CALCR: variants seen among roughly 807,000 people sequenced by gnomAD.
CALCR encodes calcitonin receptor.
A neutral mutation model predicts 59.5 loss-of-function variants in CALCR; 47 were observed. That is an observed-to-expected ratio of 0.79 (90% CI 0.63 to 1.01). CALCR has a LOEUF of 1.01. CALCR is among the 50% of genes least tolerant of loss of function. The pLI, the probability that CALCR is intolerant of heterozygous loss-of-function variation, is 0.00. For synonymous variants in CALCR, 213 were observed against 211.3 expected (o/e 1.01, Z -0.07); for missense variants, 566 against 597.1 (o/e 0.95, Z 0.54).
chr7:93,507,567 C>A (rs991439665), intron 2 of CALCR, among the ~76,000 whole-genome samples: 3 of 151,166 alleles, frequency 2.0e-5, no homozygotes, highest in Non-Finnish European at 4.4e-5. Context: ...TTCCCTCCAC[C>A]ACTGTTTGTG....
chr7:93,523,820 T>C (rs1009381670), intron 2 of CALCR, among the ~76,000 whole-genome samples: 3 of 152,130 alleles, frequency 2.0e-5, no homozygotes, highest in African/African-American at 7.2e-5. Flanking sequence ...ATTCATTTGA[T>C]ATCTAATTCC....
At chr7:93,505,068 A>T (rs560308050) in intron 2 of CALCR, among the ~76,000 whole-genome samples, 3 of 152,110 alleles carry the variant, frequency 2.0e-5, no homozygotes, top group Non-Finnish European at 4.4e-5. Context: ...CAAGGAAGGT[A>T]CCGGTTCTGA....
chr7:93,491,663 C>G (rs1327987127), intron 2 of CALCR, among the ~76,000 whole-genome samples: 1 of 152,042 alleles, frequency 6.6e-6, no homozygotes, highest in East Asian at 1.9e-4. Flanking sequence ...CTCAACATCA[C>G]TGATCATTAC....
chr7:93,459,143 G>A (rs536130054), intron 8 of CALCR, among the ~76,000 whole-genome samples: 41 of 152,240 alleles, frequency 2.7e-4, no homozygotes, highest in Non-Finnish European at 4.4e-4. Context: ...TTTCTGTAAA[G>A]TAAATGGTTA....
rs192899636 is a variant in CALCR, at chr7:93,460,487, C to T, written c.648+334G>A. ...AGGAGAATTGCTTGAACCCGGGAGG[C>T]GGAGGTTGCAGTGAGCTGAGATCCC... is the stretch of plus-strand genomic sequence containing the variant. On this transcript the variant is annotated intron_variant, in intron 8 of 13. Coordinates refer to ENST00000426151, the MANE Select transcript of CALCR (RefSeq NM_001742.4). Among the ~76,000 whole-genome samples the T allele has an allele frequency of 2.5e-3, 364 of 144,986 alleles. 3 individuals are homozygous for T. The highest frequency in any genetic ancestry group is 8.2e-3 in the African/African-American group (319 of 39,062).
At chr7:93,519,818 C>T (rs1030544451) in intron 2 of CALCR, among the ~76,000 whole-genome samples, 16 of 151,908 alleles carry the variant, frequency 1.1e-4, no homozygotes, top group African/African-American at 7.3e-5. Flanking sequence ...CCCCTCTGCT[C>T]GCTCACTCTT....
intron 2 of CALCR, among the ~76,000 whole-genome samples, chr7:93,566,363 A>G (rs1175578495): frequency 6.6e-6 from 1 of 152,176 alleles, no homozygotes; most frequent in Non-Finnish European, 1.5e-5. Flanking sequence ...GAATTTGGTT[A>G]TAGGTATAGT....
chr7:93,534,606 A>T (rs1255967866), intron 2 of CALCR, among the ~76,000 whole-genome samples: 2 of 151,830 alleles, frequency 1.3e-5, no homozygotes, highest in Admixed American at 6.6e-5. Flanking sequence ...CATTCTTAGG[A>T]AGCGTTTTTA....
At chr7:93,479,243 G>C in intron 4 of CALCR, 111 bp downstream of exon 4, 1 of 1,126,956 alleles carries the variant, frequency 8.9e-7, no homozygotes, top group East Asian at 2.4e-5. Flanking sequence ...GAAAACTGCT[G>C]TGAAAACTGC....
intron 9 of CALCR, among the ~76,000 whole-genome samples, chr7:93,442,979 T>C (rs1003202857): frequency 6.6e-6 from 1 of 152,160 alleles, no homozygotes; most frequent in African/African-American, 2.4e-5. Flanking sequence ...AGAGCATCCC[T>C]GAAGGACTTC....
chr7:93,478,381 C>T (rs1167300365), intron 4 of CALCR, among the ~76,000 whole-genome samples: 2 of 151,430 alleles, frequency 1.3e-5, no homozygotes, highest in African/African-American at 4.8e-5. Context: ...CATTTTTTTC[C>T]CTACCAAGTT....
At chr7:93,476,971 C>T (rs1800679655) in intron 5 of CALCR, among the ~76,000 whole-genome samples, 1 of 151,912 alleles carries the variant, frequency 6.6e-6, no homozygotes, top group African/African-American at 2.4e-5. Flanking sequence ...ATTATCTCTG[C>T]CTTACTGAGG....
intron 2 of CALCR, among the ~76,000 whole-genome samples, chr7:93,573,987 A>G (rs1216772057): frequency 6.6e-6 from 1 of 152,236 alleles, no homozygotes; most frequent in Non-Finnish European, 1.5e-5. Context: ...TAAGTTGGAG[A>G]ATAAAACTTT....
At chr7:93,572,716 A>G (rs1419450775) in intron 2 of CALCR, among the ~76,000 whole-genome samples, 1 of 152,178 alleles carries the variant, frequency 6.6e-6, no homozygotes, top group Non-Finnish European at 1.5e-5. Context: ...TCCACCATCA[A>G]TCATTACCTC....
intron 7 of CALCR, chr7:93,462,146 T>C (rs1800350668): frequency 6.0e-6 from 7 of 1,174,758 alleles, no homozygotes; most frequent in Non-Finnish European, 8.4e-6. Flanking sequence ...TAAAGGCAGC[T>C]GTTAGAGCAT....
chr7:93,460,078 G>A (rs893325875), intron 8 of CALCR, among the ~76,000 whole-genome samples: 9 of 152,054 alleles, frequency 5.9e-5, no homozygotes, highest in African/African-American at 1.9e-4. Context: ...AGAGATGACT[G>A]GGCCAAGCCC....
At chr7:93,461,975 T>A in intron 7 of CALCR, 2 of 792,890 alleles carry the variant, frequency 2.5e-6, no homozygotes, top group East Asian at 2.7e-5. Flanking sequence ...CCTAAAAATA[T>A]CTTCATGGAA....
intron 2 of CALCR, among the ~76,000 whole-genome samples, chr7:93,566,695 C>T (rs1301052531): frequency 6.6e-6 from 1 of 152,084 alleles, no homozygotes; most frequent in East Asian, 1.9e-4. Flanking sequence ...GTAGAATGGG[C>T]TTGATAATAT....
chr7:93,438,391 T>A, intron 9 of CALCR, 121 bp from the exon 10 acceptor site: 1 of 738,780 alleles, frequency 1.4e-6, no homozygotes, highest in East Asian at 2.7e-5. Flanking sequence ...TCTGTCAAGA[T>A]GTTCCCCTGA....
Sources: allele counts gnomAD v4.1 joint callset (sites outside exome capture counted in the v4.1 genomes callset), GRCh38; gene constraint gnomAD v4.1.1; transcripts MANE v1.5; gene names NCBI Gene and HGNC (gene_info 2026-07-23, HGNC 2026-07-21).